ANK1: variants seen among roughly 807,000 people sequenced by gnomAD.
ANK1 encodes ankyrin 1.
Under a neutral mutation model 210.4 loss-of-function variants are expected in ANK1, and 51 were observed. The ratio of observed to expected loss-of-function variants is 0.24; its 90% CI spans 0.19 to 0.31. The LOEUF (loss-of-function observed/expected upper bound fraction) is 0.31, where lower values mean the gene tolerates loss of function less well. ANK1 is among the 10% of genes least tolerant of loss of function. The pLI is 1.00. For synonymous variants in ANK1, 967 were observed against 1,025.9 expected (o/e 0.94, Z 1.10); for missense variants, 2,051 against 2,504.4 (o/e 0.82, Z 3.86).
In ANK1 at chr8:41,884,003, C is replaced by T. The variant is rs537441768; in HGVS notation, c.126+12352G>A. Among the ~76,000 whole-genome samples, 123 of 152,334 alleles carry T rather than the reference C, an allele frequency of 8.1e-4. 2 individuals carry two copies. The South Asian group carries it at 0.018, about 23-fold the overall frequency. On this transcript the variant is annotated intron_variant, in intron 1 of 42. Coordinates refer to the ANK1 transcript ENST00000265709. ...CTCCGGCCCAGGGAACTGGGAGATG[C>T]CAGGGAATGCATTGGTTCCATTTCC... is the stretch of plus-strand genomic sequence containing the variant.
rs933942064 is a variant in ANK1 at position 41,716,900 on chromosome 8, G to C, written c.1404+53C>G. ...GGAATGAGGATGGGTTCTCTGCACAGTGCTGGAACTGCTCACATCTGAAAC... is the reference window on the plus strand; with the variant it reads ...GGAATGAGGATGGGTTCTCTGCACACTGCTGGAACTGCTCACATCTGAAAC... On this transcript the variant is annotated intron_variant, in intron 13 of 42. Transcript: ENST00000289734. The C allele has an allele frequency of 1.9e-6, 3 of 1,565,522 alleles. No individual in the cohort carries two copies. The Admixed American group carries it at 5.0e-5, about 26-fold the overall frequency.
intron 38 of ANK1, among the ~76,000 whole-genome samples, chr8:41,670,571 C>T (rs773606728): frequency 1.3e-5 from 2 of 152,210 alleles, no homozygotes; most frequent in Non-Finnish European, 2.9e-5. Context: ...CCCATGAATC[C>T]AAAGATTTGT....
chr8:41,726,044 GC>G, intron 5 of ANK1, 98 bp from the exon 6 acceptor site: 1 of 1,403,216 alleles, frequency 7.1e-7, no homozygotes, highest in South Asian at 1.2e-5. Flanking sequence ...GCTCCCAGCA[GC>G]CCCAGCCTGA....
intron 16 of ANK1, among the ~76,000 whole-genome samples, chr8:41,713,327 G>A (rs894403): frequency 3.9e-5 from 6 of 152,084 alleles, no homozygotes; most frequent in Non-Finnish European, 7.4e-5. Flanking sequence ...CACCAGTCCC[G>A]CGGTGCCTAT....
chr8:41,719,764 G>T lies in ANK1; in HGVS notation c.1004C>A (p.Thr335Asn). Residue 335 changes from threonine to asparagine, a missense_variant, in exon 10 of 43, where the codon ACC (threonine) becomes AAC (asparagine). Around this residue, in one of 6 missense-constraint regions of ANK1, gnomAD observed 1,413 missense variants for 1,707.4 expected, o/e 0.83. Coordinates refer to ENST00000289734, the MANE Select transcript of ANK1 (RefSeq NM_000037.4). ...GTGGAGTGGGGTCAGGTGGTCCAGG[G>T]TGATGTCGTCTATCTCTGCGTCGTA... Reference protein sequence around the residue: ...LQYDAEIDDITLDHLTPLHVA... With the variant: ...LQYDAEIDDINLDHLTPLHVA... 1 of 1,614,210 alleles carries T rather than the reference G, an allele frequency of 6.2e-7. No individual in the cohort carries two copies. Among genetic ancestry groups the T allele is most frequent in the Non-Finnish European group, 8.5e-7 (1 of 1,180,028 alleles).
rs1245039183 is a variant in ANK1 at position 41,725,758 on chromosome 8, C to G, written c.612+3G>C. On this transcript the variant is annotated splice_donor_region_variant and intron_variant, in intron 6 of 42. Coordinates refer to ENST00000289734, the MANE Select transcript of ANK1 (RefSeq NM_000037.4). The stretch of plus-strand genomic sequence containing the variant: ...AAGGCTCCTCCCTCCTCCTCGCCCT[C>G]ACCTTGGAAAGCACGTCCGGGTTGG... 1 of 1,609,308 alleles carries G rather than the reference C, an allele frequency of 6.2e-7. No individual in the cohort carries two copies. The highest frequency in any genetic ancestry group is 8.5e-7 in the Non-Finnish European group (1 of 1,179,374).
intron 31 of ANK1, among the ~76,000 whole-genome samples, chr8:41,691,508 T>C (rs2150587424): frequency 6.6e-6 from 1 of 152,336 alleles, no homozygotes; most frequent in Non-Finnish European, 1.5e-5. Context: ...GTGCAGATTC[T>C]GAGGATTAGA....
At chr8:41,742,726 T>C (rs1288991939) in intron 2 of ANK1, among the ~76,000 whole-genome samples, 1 of 152,120 alleles carries the variant, frequency 6.6e-6, no homozygotes, top group Admixed American at 6.5e-5. Context: ...GGCACCGCAG[T>C]CCTAGAAAGA....
At chr8:41,850,608 G>A (rs1315365649) in intron 1 of ANK1, among the ~76,000 whole-genome samples, 1 of 152,174 alleles carries the variant, frequency 6.6e-6, no homozygotes, top group Admixed American at 6.5e-5. Context: ...AGCCTCCCGA[G>A]TAGCTGGGAC....
intron 15 of ANK1, among the ~76,000 whole-genome samples, chr8:41,714,574 A>C (rs1250307375): frequency 6.6e-6 from 1 of 152,176 alleles, no homozygotes; most frequent in African/African-American, 2.4e-5. Context: ...ATGGAAATAT[A>C]AACAGGCCGG....
chr8:41,758,379 G>A lies in ANK1; in HGVS notation c.28-242C>T, dbSNP rs573704396. ...TTTTGTTAAGAGAGAGTGTTGCTCT[G>A]CCACTCAGGCTGCTGGAGTGCAGTG... On this transcript the variant is annotated intron_variant, in intron 1 of 42. Transcript: ENST00000289734. Among the ~76,000 whole-genome samples the A allele has an allele frequency of 4.6e-5, 7 of 152,252 alleles. No individual in the cohort carries two copies. In the East Asian group the frequency reaches 9.7e-4, roughly 21 times the overall value.
At chr8:41,823,770 C>T (rs919623633) in intron 1 of ANK1, among the ~76,000 whole-genome samples, 2 of 151,846 alleles carry the variant, frequency 1.3e-5, no homozygotes. Flanking sequence ...TCTGAAAATA[C>T]ATTTTAAAAT....
chr8:41,832,759 T>C (rs971919553), intron 1 of ANK1, among the ~76,000 whole-genome samples: 5 of 152,148 alleles, frequency 3.3e-5, no homozygotes, highest in African/African-American at 1.2e-4. Flanking sequence ...AAAAAATAAA[T>C]AACGTTCTGA....
rs1378987111 is a variant in ANK1, at chr8:41,713,105, G to A, written c.1800+1051C>T. On this transcript the variant is annotated intron_variant, in intron 16 of 42. Transcript: ENST00000289734. Reference sequence around the variant, plus strand: ...CACTGACGCTCCCTGCCTGGGCTGCGGAGGCCCTAAGCCAGCAGGTGTTGG... The same window carrying A: ...CACTGACGCTCCCTGCCTGGGCTGCAGAGGCCCTAAGCCAGCAGGTGTTGG... Among the ~76,000 whole-genome samples the A allele has an allele frequency of 3.9e-5, 6 of 152,330 alleles. No individual in the cohort carries two copies. In the South Asian group the frequency reaches 8.3e-4, roughly 21 times the overall value.
chr8:41,842,686 C>T (rs1327638603), intron 1 of ANK1, among the ~76,000 whole-genome samples: 1 of 152,072 alleles, frequency 6.6e-6, no homozygotes, highest in Non-Finnish European at 1.5e-5. Context: ...GGAGGGGCCT[C>T]CCGGGGAATT....
chr8:41,809,924 T>C (rs150631104), intron 1 of ANK1, among the ~76,000 whole-genome samples: 260 of 152,324 alleles, frequency 1.7e-3, no homozygotes, highest in Middle Eastern at 6.8e-3. Flanking sequence ...TCAGTCCTGT[T>C]GTTTCAGGTT....
chr8:41,655,695 T>TC lies in ANK1; in HGVS notation c.*94dup, dbSNP rs1480621806. 1 of 1,613,170 alleles carries TC rather than the reference T, an allele frequency of 6.2e-7. No individual in the cohort carries two copies. The stretch of plus-strand genomic sequence containing the variant: ...CTGCGGTGGCCCTCAGGTCCAGCTC[T>TC]CCTCCTGTGTGCATGGCAGAGTGTG... On this transcript the variant is annotated 3_prime_UTR_variant, in exon 43 of 43. Transcript: ENST00000289734.
At chr8:41,796,717 G>A (rs562058945) in intron 1 of ANK1, among the ~76,000 whole-genome samples, 7 of 151,420 alleles carry the variant, frequency 4.6e-5, no homozygotes, top group Admixed American at 1.3e-4. Context: ...CCCTTTCAGC[G>A]TGTGTGTGGC....
intron 2 of ANK1, among the ~76,000 whole-genome samples, chr8:41,749,050 G>T (rs983419495): frequency 1.7e-4 from 26 of 150,110 alleles, no homozygotes. Context: ...AAAAAAAATT[G>T]TTGAATGAAT....
Sources: allele counts gnomAD v4.1 joint callset (sites outside exome capture counted in the v4.1 genomes callset), GRCh38; gene constraint gnomAD v4.1.1; regional missense constraint gnomAD v4.1.1; transcripts MANE v1.5; gene names NCBI Gene and HGNC (gene_info 2026-07-23, HGNC 2026-07-21).